TEX261: variants seen among roughly 807,000 people sequenced by gnomAD.
TEX261 encodes the protein protein TEX261.
A neutral mutation model predicts 25.1 loss-of-function variants in TEX261; 13 were observed. The observed-to-expected ratio is 0.52, with a 90% CI of 0.34 to 0.82. The LOEUF (loss-of-function observed/expected upper bound fraction) is 0.82. TEX261 is among the 40% of genes least tolerant of loss of function. TEX261 has a pLI of 0.02. For missense variants in TEX261, 206 were observed against 243.2 expected (o/e 0.85, Z 1.02); for synonymous variants, 92 against 97.8 (o/e 0.94, Z 0.35).
rs1415319290 is a variant in TEX261 at position 70,991,974 on chromosome 2, C to A, written c.160G>T (p.Ala54Ser). The A allele has an allele frequency of 7.5e-6, 12 of 1,597,858 alleles. No homozygotes were observed. The highest frequency in any genetic ancestry group is 6.7e-5 in the East Asian group (3 of 44,570). Residue 54 changes from alanine to serine, a missense_variant, in exon 3 of 6, where the codon GCT becomes TCT. Coordinates refer to ENST00000272438, the MANE Select transcript of TEX261 (RefSeq NM_144582.3). ...AAGACGTAGAGGCCAATCAGTACAG[C>A]GGTGGAGAACTGAAACAACCAGAGG... ...IIKYMIWFSTAVLIGLYVFER... is the reference protein window; with the variant it reads ...IIKYMIWFSTSVLIGLYVFER...
intron 3 of TEX261, among the ~76,000 whole-genome samples, chr2:70,990,267 G>A (rs1029024392): frequency 6.6e-5 from 10 of 151,722 alleles, no homozygotes; most frequent in Admixed American, 6.6e-4. Context: ...GCAAGGAGAA[G>A]GCCTGCTCAA....
rs1188297296 is a variant in TEX261 at position 70,986,663 on chromosome 2, G to C, written c.*1937C>G. The C allele has an allele frequency of 1.3e-5, 2 of 152,718 alleles. No homozygotes were observed. The highest frequency in any genetic ancestry group is 2.4e-5 in the African/African-American group (1 of 41,538). The allele number at this position is 152,718 out of a possible 1,614,324, so 9.5% of individuals were successfully genotyped here. A position where few individuals can be genotyped will look rare whatever the true frequency, so the allele number is the denominator to read the frequency against. On this transcript the variant is annotated 3_prime_UTR_variant, in exon 6 of 6. Transcript: ENST00000272438. The stretch of plus-strand genomic sequence containing the variant: ...GGGGTCAAGGGAAGTACCCAGAAGG[G>C]GCAGGTTTGCAGAAGACAGCAAGTA...
chr2:70,991,676 T>C, intron 3 of TEX261, 154 bp downstream of exon 3: 1 of 841,784 alleles, frequency 1.2e-6, no homozygotes, highest in Non-Finnish European at 1.8e-6. Context: ...GGCTCTAGAG[T>C]CCTCAGCAGT....
Position 70,988,622 on chromosome 2 carries a change from G to A in TEX261, c.569C>T (p.Pro190Leu). 1 of 1,614,084 alleles carries A rather than the reference G, an allele frequency of 6.2e-7. No individual in the cohort carries two copies. Among genetic ancestry groups the A allele is most frequent in the Non-Finnish European group, 8.5e-7 (1 of 1,179,926 alleles). The change falls in exon 6 of 6, where the codon CCC becomes CTC. Residue 190 changes from proline (P) to leucine (L), a missense_variant. Physicochemically the swap from Pro to Leu is moderately conservative, Grantham distance 98 (BLOSUM62 -3). Transcript: ENST00000272438. The part of the protein sequence containing the change: ...VFSFIKEAIL[P>L]SRQKIY ...GGGTCAGTATATCTTCTGACGACTG[G>A]GTAGAATGGCCTCTTTGATGAAGGA... is the stretch of plus-strand genomic sequence containing the variant.
intron 2 of TEX261, among the ~76,000 whole-genome samples, chr2:70,992,923 T>C (rs1000270866): frequency 2.0e-5 from 3 of 152,182 alleles, no homozygotes; most frequent in Admixed American, 1.3e-4. Context: ...GTACCTACAG[T>C]TGTCAGTGCT....
rs1272820033 is a variant in TEX261 at position 70,988,441 on chromosome 2, T to G, written c.*159A>C. ...TTGAAGCATCAGATCTGAGCCAAGCTGAGCCCCCCAAGGAGGGTGGGGATG... is the reference window on the plus strand; with the variant it reads ...TTGAAGCATCAGATCTGAGCCAAGCGGAGCCCCCCAAGGAGGGTGGGGATG... On this transcript the variant is annotated 3_prime_UTR_variant, in exon 6 of 6. Coordinates refer to ENST00000272438, the MANE Select transcript of TEX261 (RefSeq NM_144582.3). 1.6e-6 allele frequency: 1 copy of G among 620,794 alleles called. No homozygotes were observed. The highest frequency in any genetic ancestry group is 1.9e-5 in the South Asian group (1 of 52,278). 38.5% of individuals were successfully genotyped at this position (620,794 alleles called of 1,614,324 possible). A position where few individuals can be genotyped will look rare whatever the true frequency, so the allele number is the denominator to read the frequency against.
intron 3 of TEX261, 145 bp downstream of exon 3, chr2:70,991,685 G>T: frequency 2.1e-6 from 2 of 975,502 alleles, no homozygotes; most frequent in Non-Finnish European, 3.0e-6. Context: ...GTCCTCAGCA[G>T]TAAGAACCGC....
rs1670185414 is a variant in TEX261 at position 70,986,350 on chromosome 2, TGA to T, written c.*2248_*2249del. The T allele has an allele frequency of 1.3e-5, 2 of 152,726 alleles. No homozygotes were observed. Among genetic ancestry groups the T allele is most frequent in the East Asian group, 3.9e-4 (2 of 5,190 alleles). The allele number at this position is 152,726 out of a possible 1,614,324, so 9.5% of individuals were successfully genotyped here. On this transcript the variant is annotated 3_prime_UTR_variant, in exon 6 of 6. Transcript: ENST00000272438. ...ACACCATGAGTCTCACAAGCCATGC[TGA>T]GGGGTCCAGACTTTATCCTGAGGGC...
rs1553424960 is a variant in TEX261, at chr2:70,986,855, G to C, written c.*1745C>G. On this transcript the variant is annotated 3_prime_UTR_variant, in exon 6 of 6. Transcript: ENST00000272438. ...CCTAGGGAGCCCACAGCAGAACCCT[G>C]AAAGACCCTACTGTGCATGGGCAAG... The C allele has an allele frequency of 6.6e-6, 1 of 152,204 alleles. No homozygotes were observed. The highest frequency in any genetic ancestry group is 6.6e-5 in the Admixed American group (1 of 15,266). 9.4% of individuals were successfully genotyped at this position (152,204 alleles called of 1,614,324 possible). A position where few individuals can be genotyped will look rare whatever the true frequency, so the allele number is the denominator to read the frequency against.
At chr2:70,988,771 C>T (rs1037557902) in intron 5 of TEX261, 56 bp from the exon 6 acceptor site, 74 of 1,477,384 alleles carry the variant, frequency 5.0e-5, no homozygotes, top group Admixed American at 1.7e-4. Context: ...TGTGTGTGTG[C>T]GCATGTGTGT....
intron 3 of TEX261, among the ~76,000 whole-genome samples, chr2:70,991,336 C>T (rs1444152463): frequency 6.6e-6 from 1 of 152,164 alleles, no homozygotes; most frequent in Non-Finnish European, 1.5e-5. Flanking sequence ...CAGCGGCAGC[C>T]AGTGAGAATG....
Position 70,989,774 on chromosome 2 carries a change from G to T in TEX261, c.347C>A (p.Ala116Glu), listed in dbSNP as rs1553425425. 2 of 1,612,964 alleles carry T rather than the reference G, an allele frequency of 1.2e-6. No homozygotes were observed. The highest frequency in any genetic ancestry group is 8.5e-7 in the Non-Finnish European group (1 of 1,178,988). The change falls in exon 4 of 6, where the codon GCA (alanine) becomes GAA (glutamate). Residue 116 changes from alanine to glutamate, a missense_variant. Physicochemically the swap from Ala to Glu is moderately radical, Grantham distance 107 (BLOSUM62 -1). Transcript: ENST00000272438. Reference protein sequence around the residue: ...VNHYLAFQFFAEEYYPFSEVL... With the variant: ...VNHYLAFQFFEEEYYPFSEVL... ...CTCTGAGAAGGGATAATATTCTTCT[G>T]CAAAAAACTGAAATGCTAGGTAATG... is the stretch of plus-strand genomic sequence containing the variant.
chr2:70,986,809 C>T lies in TEX261; in HGVS notation c.*1791G>A, dbSNP rs1670195097. The T allele has an allele frequency of 6.6e-6, 1 of 152,314 alleles. No individual in the cohort carries two copies. 9.4% of individuals were successfully genotyped at this position (152,314 alleles called of 1,614,324 possible). On this transcript the variant is annotated 3_prime_UTR_variant, in exon 6 of 6. Transcript: ENST00000272438. Reference sequence around the variant, plus strand: ...TCTAAATTCCTCACCATCCTTGAAACCATCCAGATGGATGGGCTTCCCTAG... The same window carrying T: ...TCTAAATTCCTCACCATCCTTGAAATCATCCAGATGGATGGGCTTCCCTAG...
Position 70,993,659 on chromosome 2 carries a change from A to T in TEX261, c.150+37T>A, listed in dbSNP as rs199862599. On this transcript the variant is annotated intron_variant, in intron 2 of 5. Transcript: ENST00000272438. ...CTTCCTGCTTTTGAGGCAGGGCAAA[A>T]GAGTGAGGAGGACTCCTGGAGAAAG... 1.9e-6 allele frequency: 3 copies of T among 1,556,410 alleles called. No homozygotes were observed. The Admixed American group carries it at 5.0e-5, about 26-fold the overall frequency.
Position 70,989,802 on chromosome 2 carries a change from T to C in TEX261, c.319A>G (p.Asn107Asp). 6.2e-7 allele frequency: 1 copy of C among 1,612,342 alleles called. No individual in the cohort carries two copies. The highest frequency in any genetic ancestry group is 1.1e-5 in the South Asian group (1 of 91,042). Residue 107 changes from asparagine (N) to aspartate (D), a missense_variant, in exon 4 of 6, where the codon AAT (asparagine) becomes GAT (aspartate). Transcript: ENST00000272438. The stretch of plus-strand genomic sequence containing the variant: ...AAAAACTGAAATGCTAGGTAATGAT[T>C]CACCACCACTAGTCCTGTTGAGGGA... ...FILSCGLVVV[N>D]HYLAFQFFAE... is the part of the protein sequence containing the mutation.
chr2:70,988,956 G>T lies in TEX261; in HGVS notation c.434C>A (p.Ser145Ter), dbSNP rs771971400. ...IIPFAFFVSL[S>*]AGENVLPSTM... is the part of the protein sequence containing the mutation. ...AGAGGGCAGGACGTTCTCCCCGGCC[G>T]AAAGTGACACAAAAAACGCAAACGG... is the stretch of plus-strand genomic sequence containing the variant. Residue 145 changes from serine (S) to a stop codon, truncating the protein, a stop_gained, in exon 5 of 6, where the codon TCG (serine) becomes TAG (stop). Transcript: ENST00000272438. LOFTEE classifies it high-confidence loss of function. 9 of 1,614,082 alleles carry T rather than the reference G, an allele frequency of 5.6e-6. No homozygotes were observed. Among genetic ancestry groups the T allele is most frequent in the Non-Finnish European group, 7.6e-6 (9 of 1,180,006 alleles).
chr2:70,989,837 C>A (rs1553425436), intron 3 of TEX261, 21 bp from the exon 4 acceptor site: 1 of 1,590,730 alleles, frequency 6.3e-7, no homozygotes, highest in South Asian at 1.1e-5. Context: ...AATGAAGAGT[C>A]AGTCAGTTTA....
In TEX261 at chr2:70,992,268, C is replaced by T. The variant is rs200961331; in HGVS notation, c.151-285G>A. Among the ~76,000 whole-genome samples the T allele has an allele frequency of 7.9e-5, 12 of 152,084 alleles. No homozygotes were observed. In the East Asian group the frequency reaches 2.1e-3, roughly 27 times the overall value. On this transcript the variant is annotated intron_variant, in intron 2 of 5. Transcript: ENST00000272438. ...CCTCCTGAGTAGTTGGGACTACAGG[C>T]ATGCACAACCACGCCCAGCTAATTT...
At chr2:70,993,669 G>C (rs781790255) in intron 2 of TEX261, 27 bp downstream of exon 2, 2 of 1,590,280 alleles carry the variant, frequency 1.3e-6, no homozygotes, top group Non-Finnish European at 1.7e-6. Context: ...AGAGTGAGGA[G>C]GACTCCTGGA....
Sources: gnomAD v4.1 joint callset for allele counts (sites outside exome capture counted in the v4.1 genomes callset) on GRCh38, gnomAD v4.1.1 for gene constraint, MANE v1.5 for transcripts, NCBI Gene and HGNC (gene_info 2026-07-23, HGNC 2026-07-21) for gene names.